The following SIK3 variants were observed in gnomAD, a reference collection of about 807,000 sequenced individuals.
The protein encoded by SIK3 is SIK family kinase 3.
In SIK3, 28 loss-of-function variants were observed where a neutral mutation model predicts 144.2. That is an observed-to-expected ratio of 0.19 (90% CI 0.14 to 0.27). SIK3 has a LOEUF of 0.27. Among genes scored for constraint, SIK3 ranks in the 10% least tolerant of loss-of-function variants. The pLI is 1.00. For synonymous variants in SIK3, 686 were observed against 676.3 expected, an observed-to-expected ratio of 1.01 and a Z score of -0.22; for missense variants, 1,319 against 1,776.0, an observed-to-expected ratio of 0.74 and a Z score of 4.62.
At chr11:117,063,405 C>T (rs1458292793) in intron 1 of SIK3, among the ~76,000 whole-genome samples, 1 of 152,122 alleles carries the variant, frequency 6.6e-6, no homozygotes, top group African/African-American at 2.4e-5. Context: ...CCACTAAGTA[C>T]GGCAGTCTCC....
At chr11:116,906,672 T>C (rs1946058054) in intron 4 of SIK3, among the ~76,000 whole-genome samples, 1 of 152,220 alleles carries the variant, frequency 6.6e-6, no homozygotes, top group Non-Finnish European at 1.5e-5. Flanking sequence ...CCAAGTGTTA[T>C]GTAACTTTGA....
intron 18 of SIK3, 55 bp from the exon 19 acceptor site, chr11:116,861,438 C>G (rs1943321364): frequency 7.5e-7 from 1 of 1,329,854 alleles, no homozygotes. Context: ...ACAGTACAAT[C>G]TTAAGTTTCA....
chr11:117,026,024 G>C (rs942316493), intron 1 of SIK3, among the ~76,000 whole-genome samples: 4 of 152,120 alleles, frequency 2.6e-5, no homozygotes, highest in Admixed American at 2.6e-4. Flanking sequence ...AAGATTACAT[G>C]AAATAAATGT....
intron 1 of SIK3, among the ~76,000 whole-genome samples, chr11:117,048,450 A>G (rs748106354): frequency 6.6e-6 from 1 of 151,910 alleles, no homozygotes; most frequent in Non-Finnish European, 1.5e-5. Flanking sequence ...TGCGGTTGGG[A>G]GTTCGAGACC....
chr11:116,852,047 A>G (rs957468630), intron 21 of SIK3, among the ~76,000 whole-genome samples: 1 of 152,222 alleles, frequency 6.6e-6, no homozygotes, highest in Non-Finnish European at 1.5e-5. Context: ...TGCTCTCCGC[A>G]AGGACAAACA....
At chr11:116,954,553 CAT>C (rs143935746) in intron 2 of SIK3, among the ~76,000 whole-genome samples, 1,760 of 151,572 alleles carry the variant, frequency 0.012, 35 homozygotes, top group African/African-American at 0.04. Flanking sequence ...ACAGAAATCA[CAT>C]ATGTCTTTCT....
At chr11:117,061,120 A>G (rs1398866253) in intron 1 of SIK3, among the ~76,000 whole-genome samples, 1 of 152,024 alleles carries the variant, frequency 6.6e-6, no homozygotes, top group Non-Finnish European at 1.5e-5. Context: ...GGTGGCACAC[A>G]CCGGTAGTCC....
intron 1 of SIK3, among the ~76,000 whole-genome samples, chr11:116,968,935 A>T (rs760066201): frequency 4.6e-5 from 7 of 152,134 alleles, no homozygotes; most frequent in Non-Finnish European, 1.0e-4. Flanking sequence ...AATTAACATG[A>T]CCCCTAATTC....
chr11:116,920,745 G>C (rs150609587), intron 4 of SIK3, among the ~76,000 whole-genome samples: 33 of 152,268 alleles, frequency 2.2e-4, no homozygotes, highest in African/African-American at 7.5e-4. Flanking sequence ...CTGAACTTCA[G>C]TTCGACAAAG....
At chr11:116,884,635 AT>A (rs373129636) in intron 6 of SIK3, among the ~76,000 whole-genome samples, 3,770 of 151,354 alleles carry the variant, frequency 0.025, 87 homozygotes, top group South Asian at 0.11. Flanking sequence ...ACATCTGGCT[AT>A]TTTTTTTATT....
At chr11:116,942,885 A>T (rs1245546527) in intron 3 of SIK3, among the ~76,000 whole-genome samples, 2 of 152,200 alleles carry the variant, frequency 1.3e-5, no homozygotes, top group Non-Finnish European at 2.9e-5. Flanking sequence ...GCTCAGTGGT[A>T]AGGTCCCACT....
intron 3 of SIK3, among the ~76,000 whole-genome samples, chr11:116,938,226 AG>A (rs1948031680): frequency 1.4e-4 from 1 of 6,952 alleles, no homozygotes; most frequent in Non-Finnish European, 3.2e-4. Flanking sequence ...AGGGGAGGGG[AG>A]GGGAGGGGAG....
At chr11:117,073,236 C>A (rs1531706) in intron 1 of SIK3, among the ~76,000 whole-genome samples, 59,724 of 152,010 alleles carry the variant, frequency 0.39, 14,896 homozygotes, top group African/African-American at 0.72. Context: ...CATGAGTTTG[C>A]GAGCTCTCAA....
intron 14 of SIK3, chr11:116,869,730 C>T (rs1019621990): frequency 9.1e-6 from 2 of 219,478 alleles, no homozygotes; most frequent in Non-Finnish European, 1.8e-5. Context: ...GTACAGCATG[C>T]CTGATGGTCA....
intron 4 of SIK3, among the ~76,000 whole-genome samples, chr11:116,906,088 G>A (rs1946015170): frequency 6.6e-6 from 1 of 152,176 alleles, no homozygotes; most frequent in African/African-American, 2.4e-5. Context: ...GGAGTTGCTA[G>A]GACTTCTGAG....
chr11:117,085,639 C>A (rs561348204), intron 1 of SIK3, among the ~76,000 whole-genome samples: 2 of 152,224 alleles, frequency 1.3e-5, no homozygotes, highest in African/African-American at 4.8e-5. Flanking sequence ...TTATATTATT[C>A]CCTCTACTTT....
At chr11:116,995,269 A>G (rs558002250) in intron 1 of SIK3, among the ~76,000 whole-genome samples, 1 of 148,362 alleles carries the variant, frequency 6.7e-6, no homozygotes, top group South Asian at 2.1e-4. Flanking sequence ...TCCGTCTCAA[A>G]AAAAAAAAAA....
intron 1 of SIK3, among the ~76,000 whole-genome samples, chr11:117,018,439 G>A (rs1362292797): frequency 6.6e-6 from 1 of 152,166 alleles, no homozygotes; most frequent in East Asian, 1.9e-4. Context: ...TTCCAAAAGA[G>A]AACTCCACCC....
chr11:116,857,170 C>CTT (rs574391460), intron 21 of SIK3: 1 of 152,550 alleles, frequency 6.6e-6, no homozygotes, highest in Non-Finnish European at 1.5e-5. Context: ...ATTTAGCTCA[C>CTT]TAATAAAACG....
Sources: gnomAD v4.1 joint callset for allele counts (sites outside exome capture counted in the v4.1 genomes callset) on GRCh38, gnomAD v4.1.1 for gene constraint, MANE v1.5 for transcripts, NCBI Gene and HGNC (gene_info 2026-07-23, HGNC 2026-07-21) for gene names.